The following MYO1E variants were observed in gnomAD, a reference collection of about 807,000 sequenced individuals.
MYO1E encodes myosin IE, also known as unconventional myosin-Ie.
A neutral mutation model predicts 151.1 loss-of-function variants in MYO1E; 68 were observed. That is an observed-to-expected ratio of 0.45 (90% CI 0.37 to 0.55). The LOEUF is 0.55. Ranked by LOEUF, MYO1E falls within the 20% of genes least tolerant of loss-of-function variation. MYO1E has a pLI of 0.00. For synonymous variants in MYO1E, 601 were observed against 501.7 expected (o/e 1.20, Z -2.64); for missense variants, 1,363 against 1,389.3 (o/e 0.98, Z 0.30).
intron 16 of MYO1E, among the ~76,000 whole-genome samples, chr15:59,200,404 T>A (rs1349625265): frequency 6.6e-6 from 1 of 152,234 alleles, no homozygotes; most frequent in African/African-American, 2.4e-5. Flanking sequence ...TCTGCCCCAG[T>A]GAGCCTAACC....
Position 59,313,940 on chromosome 15 carries a change from C to T in MYO1E, c.4-41491G>A, listed in dbSNP as rs534759283. On this transcript the variant is annotated intron_variant, in intron 1 of 27. Transcript: ENST00000288235. ...GAGAGAGACCATAATGGCTGGGTTA[C>T]GCCCAGACTGACTGGAACAGGAGTT... 5.3e-5 allele frequency among the ~76,000 whole-genome samples: 8 copies of T among 152,348 alleles called. No individual in the cohort carries two copies. In the South Asian group the frequency reaches 1.4e-3, roughly 28 times the overall value.
In MYO1E at chr15:59,261,425, C is replaced by T. The variant is rs761702083; in HGVS notation, c.232G>A (p.Gly78Arg). 30 of 1,605,042 alleles carry T rather than the reference C, an allele frequency of 1.9e-5. No individual in the cohort carries two copies. The highest frequency in any genetic ancestry group is 2.4e-5 in the Non-Finnish European group (28 of 1,172,066). Residue 78 changes from glycine (G) to arginine (R), a missense_variant, in exon 3 of 28, where the codon GGA (glycine) becomes AGA (arginine). Physicochemically the swap from Gly to Arg is moderately radical, Grantham distance 125 (BLOSUM62 -2). Coordinates refer to ENST00000288235, the MANE Select transcript of MYO1E (RefSeq NM_004998.4). ...FGEKEIEMYQ[G>R]AAQYENPPHI... ...TTATGTGACACGTAACTTACCGCTC[C>T]TTGGTACATTTCAATTTCCTTTTCC...
Position 59,133,395 on chromosome 15 carries a change from G to T in MYO1E, c.*3985C>A, listed in dbSNP as rs553416413. ...TGAAAATAAAAACGCACAGGCCTTT[G>T]ACTCAGAGTTCCTGTGATGGCTCCC... is the stretch of plus-strand genomic sequence containing the variant. On this transcript the variant is annotated 3_prime_UTR_variant, in exon 28 of 28. Coordinates refer to ENST00000288235, the MANE Select transcript of MYO1E (RefSeq NM_004998.4). 1 of 152,294 alleles carries T rather than the reference G, an allele frequency of 6.6e-6. No homozygotes were observed. Among genetic ancestry groups the T allele is most frequent in the South Asian group, 2.1e-4 (1 of 4,818 alleles). The allele number at this position is 152,294 out of a possible 1,614,324, so 9.4% of individuals were successfully genotyped here.
intron 17 of MYO1E, among the ~76,000 whole-genome samples, 200 bp downstream of exon 17, chr15:59,195,261 T>C (rs549637300): frequency 6.6e-6 from 1 of 152,300 alleles, no homozygotes; most frequent in Non-Finnish European, 1.5e-5. Flanking sequence ...AATGCTGAAA[T>C]GAATGGCACT....
chr15:59,334,432 C>T (rs1452629020), intron 1 of MYO1E, among the ~76,000 whole-genome samples: 3 of 151,614 alleles, frequency 2.0e-5, no homozygotes, highest in African/African-American at 7.3e-5. Context: ...TTGCATGTAC[C>T]CCATAAATAT....
At chr15:59,357,988 T>C (rs2080864563) in intron 1 of MYO1E, among the ~76,000 whole-genome samples, 1 of 152,208 alleles carries the variant, frequency 6.6e-6, no homozygotes, top group Non-Finnish European at 1.5e-5. Context: ...TGGTAGAATG[T>C]CACAATTCAC....
intron 23 of MYO1E, 113 bp downstream of exon 23, chr15:59,163,044 G>A (rs1055534688): frequency 7.9e-7 from 1 of 1,257,898 alleles, no homozygotes; most frequent in African/African-American, 1.5e-5. Context: ...GGGCCAGCCA[G>A]ACCCCACTCT....
chr15:59,205,635 T>C (rs2079828914), intron 14 of MYO1E, 150 bp from the exon 15 acceptor site: 2 of 757,562 alleles, frequency 2.6e-6, no homozygotes, highest in South Asian at 3.0e-5. Context: ...TTTCCAGATG[T>C]TGCATTTGGG....
At chr15:59,221,367 A>G (rs1287338330) in intron 9 of MYO1E, among the ~76,000 whole-genome samples, 1 of 152,044 alleles carries the variant, frequency 6.6e-6, no homozygotes, top group African/African-American at 2.4e-5. Context: ...AGCCCCCAAT[A>G]TTGCACAAAA....
At chr15:59,327,256 C>T (rs2080670677) in intron 1 of MYO1E, among the ~76,000 whole-genome samples, 1 of 152,114 alleles carries the variant, frequency 6.6e-6, no homozygotes, top group South Asian at 2.1e-4. Flanking sequence ...CACCGCTGGG[C>T]ACTGCTAGCC....
In MYO1E at chr15:59,224,812, G is replaced by A. The variant is rs373337685; in HGVS notation, c.654C>T (p.Gly218=). 7.2e-5 allele frequency: 117 copies of A among 1,614,052 alleles called. No homozygotes were observed. The highest frequency in any genetic ancestry group is 4.9e-4 in the Middle Eastern group (3 of 6,078). The stretch of plus-strand genomic sequence containing the variant: ...GGCTGTGTTTCTGCTCTGCAGAGGC[G>A]CCCTCGATGAGCTGGAGCAAGAGAA... ...SFHIFYQLIE[G]ASAEQKHSLG... Residue 218 remains glycine (G), a synonymous_variant, in exon 8 of 28, where the codon GGC becomes GGT. Transcript: ENST00000288235.
At chr15:59,216,656 G>A (rs1175748937) in intron 10 of MYO1E, among the ~76,000 whole-genome samples, 1 of 21,886 alleles carries the variant, frequency 4.6e-5, no homozygotes, top group African/African-American at 1.5e-4. Flanking sequence ...GTGTGTGTGT[G>A]TGTGTATGTG....
chr15:59,238,737 A>G (rs976836781), intron 4 of MYO1E, among the ~76,000 whole-genome samples: 4 of 151,606 alleles, frequency 2.6e-5, no homozygotes, highest in South Asian at 2.1e-4. Context: ...ATGCCTAGCT[A>G]ATTTTTTAAT....
intron 3 of MYO1E, among the ~76,000 whole-genome samples, chr15:59,261,060 A>G (rs1182971898): frequency 6.6e-6 from 1 of 152,046 alleles, no homozygotes; most frequent in African/African-American, 2.4e-5. Flanking sequence ...CTAAAAATAC[A>G]AAATTAGCCA....
At chr15:59,253,368 A>G (rs1305995448) in intron 4 of MYO1E, among the ~76,000 whole-genome samples, 3 of 152,214 alleles carry the variant, frequency 2.0e-5, no homozygotes, top group Non-Finnish European at 2.9e-5. Context: ...AATGATTTAT[A>G]ACAGACGGGT....
chr15:59,210,212 A>G (rs1416386447), intron 13 of MYO1E, among the ~76,000 whole-genome samples: 1 of 152,040 alleles, frequency 6.6e-6, no homozygotes, highest in African/African-American at 2.4e-5. Flanking sequence ...GGACTAGAAC[A>G]CAGGGCCAAT....
chr15:59,314,421 G>T (rs1423899802), intron 1 of MYO1E, among the ~76,000 whole-genome samples: 1 of 152,150 alleles, frequency 6.6e-6, no homozygotes, highest in Non-Finnish European at 1.5e-5. Context: ...ATACTGTGAG[G>T]GATACCTATT....
At chr15:59,190,879 T>C (rs76140326) in intron 17 of MYO1E, among the ~76,000 whole-genome samples, 7,248 of 152,214 alleles carry the variant, frequency 0.048, 188 homozygotes, top group African/African-American at 0.07. Flanking sequence ...AGCACTGTGA[T>C]GTGCCTGGGC....
intron 1 of MYO1E, among the ~76,000 whole-genome samples, chr15:59,290,775 C>G (rs761188465): frequency 2.2e-4 from 34 of 152,128 alleles, no homozygotes; most frequent in Non-Finnish European, 4.7e-4. Context: ...AACATAGTTT[C>G]CAAAGTCAAA....
Sources: allele counts gnomAD v4.1 joint callset (sites outside exome capture counted in the v4.1 genomes callset), GRCh38; gene constraint gnomAD v4.1.1; transcripts MANE v1.5; gene names NCBI Gene and HGNC (gene_info 2026-07-23, HGNC 2026-07-21).